The following MARCHF1 variants were observed in gnomAD, a reference collection of about 807,000 sequenced individuals.
The protein encoded by MARCHF1 is membrane associated ring-CH-type finger 1, also known as E3 ubiquitin-protein ligase MARCHF1.
Under a neutral mutation model 54.2 loss-of-function variants are expected in MARCHF1, and 40 were observed. That is an observed-to-expected ratio of 0.74 (90% CI 0.57 to 0.96). The LOEUF is 0.96. Among genes scored for constraint, MARCHF1 ranks in the 40% least tolerant of loss-of-function variants. The probability of loss-of-function intolerance (pLI) is 0.00; values close to 1 mark genes in which losing one functional copy is unlikely to be tolerated. For missense variants in MARCHF1, 586 were observed against 656.5 expected (o/e 0.89, Z 1.17); for synonymous variants, 236 against 236.3 (o/e 1.00, Z 0.01).
At chr4:163,665,584 C>T (rs933063144) in intron 5 of MARCHF1, among the ~76,000 whole-genome samples, 1 of 152,162 alleles carries the variant, frequency 6.6e-6, no homozygotes, top group Non-Finnish European at 1.5e-5. Flanking sequence ...ATTGATGGAG[C>T]GTGTATAGCA....
chr4:164,232,323 C>T (rs772563419), intron 1 of MARCHF1, among the ~76,000 whole-genome samples: 3 of 152,030 alleles, frequency 2.0e-5, no homozygotes, highest in Non-Finnish European at 4.4e-5. Context: ...AATATTATTC[C>T]TGCGACTGTA....
intron 1 of MARCHF1, among the ~76,000 whole-genome samples, chr4:164,293,029 G>A (rs1455683341): frequency 1.3e-5 from 2 of 152,082 alleles, no homozygotes; most frequent in African/African-American, 4.8e-5. Flanking sequence ...GTTGGTTCAT[G>A]AAGTGTCTTC....
chr4:163,892,082 A>G lies in MARCHF1; in HGVS notation c.-38-37913T>C, dbSNP rs535555968. ...TGTAACAATTTAATTTTAAATATGT[A>G]GAAAATAAACCATAATTATGTCCAA... On this transcript the variant is annotated intron_variant, in intron 3 of 9. Coordinates refer to ENST00000514618, the MANE Select transcript of MARCHF1 (RefSeq NM_001394959.1). Among the ~76,000 whole-genome samples the G allele has an allele frequency of 3.9e-5, 6 of 152,312 alleles. No individual in the cohort carries two copies. The South Asian group carries it at 1.2e-3, about 32-fold the overall frequency.
intron 2 of MARCHF1, among the ~76,000 whole-genome samples, chr4:164,016,353 G>A (rs902488701): frequency 6.6e-6 from 1 of 152,044 alleles, no homozygotes; most frequent in Non-Finnish European, 1.5e-5. Context: ...AAGAGCATGG[G>A]GGAAACTGCC....
In MARCHF1 at chr4:164,188,674, C is replaced by T. The variant is rs1487187915; in HGVS notation, c.-322-77012G>A. 2.2e-5 allele frequency: 25 copies of T among 1,120,634 alleles called. No individual in the cohort carries two copies. The Admixed American group carries it at 2.7e-4, about 12-fold the overall frequency. 69.4% of individuals were successfully genotyped at this position (1,120,634 alleles called of 1,614,324 possible). A position where few individuals can be genotyped will look rare whatever the true frequency, so the allele number is the denominator to read the frequency against. ...CGGTCTTTGACGCCAAGTGGCTCAT[C>T]GGCCGCACGTGGAACGACCTGTCTA... is the stretch of plus-strand genomic sequence containing the variant. On this transcript the variant is annotated intron_variant, in intron 1 of 9. Transcript: ENST00000514618.
chr4:164,101,487 C>T (rs959803734), intron 2 of MARCHF1, among the ~76,000 whole-genome samples: 8 of 125,652 alleles, frequency 6.4e-5, no homozygotes, highest in African/African-American at 1.7e-4. Flanking sequence ...TGGGAGGCAC[C>T]CCCCAGCAGG....
intron 2 of MARCHF1, among the ~76,000 whole-genome samples, chr4:164,038,279 G>T (rs1754051712): frequency 6.6e-6 from 1 of 152,132 alleles, no homozygotes; most frequent in Non-Finnish European, 1.5e-5. Flanking sequence ...GGATCACAAG[G>T]TCAGGAGATC....
intron 1 of MARCHF1, among the ~76,000 whole-genome samples, chr4:164,220,946 T>G (rs1038226097): frequency 2.6e-5 from 4 of 151,748 alleles, no homozygotes; most frequent in African/African-American, 9.7e-5. Flanking sequence ...TAAGCAAAAA[T>G]GCCTCAAATC....
chr4:164,265,675 T>G (rs1335411207), intron 1 of MARCHF1, among the ~76,000 whole-genome samples: 1 of 152,102 alleles, frequency 6.6e-6, no homozygotes, highest in Non-Finnish European at 1.5e-5. Context: ...TGAAGCCTGC[T>G]GCCTCATTTA....
At chr4:164,256,583 A>T (rs1404777419) in intron 1 of MARCHF1, among the ~76,000 whole-genome samples, 1 of 152,144 alleles carries the variant, frequency 6.6e-6, no homozygotes, top group African/African-American at 2.4e-5. Flanking sequence ...AAAAATAAGC[A>T]AAGTATTATC....
At chr4:163,754,782 G>C (rs1746618932) in intron 4 of MARCHF1, among the ~76,000 whole-genome samples, 1 of 151,932 alleles carries the variant, frequency 6.6e-6, no homozygotes. Flanking sequence ...ACAGGAAAAA[G>C]AGTTCAAAAG....
intron 3 of MARCHF1, among the ~76,000 whole-genome samples, chr4:163,975,669 T>C (rs981001269): frequency 2.6e-5 from 4 of 152,176 alleles, no homozygotes; most frequent in Non-Finnish European, 4.4e-5. Flanking sequence ...AGTGATGCCT[T>C]ATAAACCCTT....
intron 2 of MARCHF1, among the ~76,000 whole-genome samples, chr4:164,047,094 A>G (rs982615018): frequency 6.6e-6 from 1 of 152,214 alleles, no homozygotes; most frequent in African/African-American, 2.4e-5. Context: ...AAAATTTGCT[A>G]AGGATATATC....
chr4:164,101,431 GCCT>G (rs1755556565), intron 2 of MARCHF1, among the ~76,000 whole-genome samples: 1 of 119,974 alleles, frequency 8.3e-6, no homozygotes, highest in Non-Finnish European at 1.9e-5. Context: ...CGGGCAGACT[GCCT>G]CCTCAAGTGG....
intron 7 of MARCHF1, among the ~76,000 whole-genome samples, chr4:163,590,057 G>GGTGTGTGTGTATGTGTGTGT (rs1740536562): frequency 1.4e-5 from 2 of 146,168 alleles, no homozygotes; most frequent in Admixed American, 1.4e-4. Context: ...TTTAGATTTT[G>GGTGTGTGTGTATGTGTGTGT]GTGTGTGTGT....
chr4:164,155,969 A>T (rs899269546), intron 1 of MARCHF1, among the ~76,000 whole-genome samples: 4 of 152,206 alleles, frequency 2.6e-5, no homozygotes, highest in African/African-American at 9.6e-5. Flanking sequence ...GTAATAAATC[A>T]TAATTTTCGG....
intron 2 of MARCHF1, among the ~76,000 whole-genome samples, chr4:164,064,771 G>T (rs1384091346): frequency 6.6e-6 from 1 of 152,102 alleles, no homozygotes; most frequent in Admixed American, 6.5e-5. Flanking sequence ...TCAGTATGAT[G>T]TTGACTGTGA....
chr4:164,378,222 G>A (rs1325600661), intron 1 of MARCHF1, among the ~76,000 whole-genome samples: 1 of 152,180 alleles, frequency 6.6e-6, no homozygotes, highest in Non-Finnish European at 1.5e-5. Context: ...CTAAGAATAC[G>A]GGCTTTGCCT....
At chr4:163,924,548 C>T (rs1463384119) in intron 3 of MARCHF1, among the ~76,000 whole-genome samples, 1 of 151,870 alleles carries the variant, frequency 6.6e-6, no homozygotes, top group Non-Finnish European at 1.5e-5. Context: ...TACTTTCTTT[C>T]CAAATTTGCG....
Sources: allele counts gnomAD v4.1 joint callset (sites outside exome capture counted in the v4.1 genomes callset), GRCh38; gene constraint gnomAD v4.1.1; transcripts MANE v1.5; gene names NCBI Gene and HGNC (gene_info 2026-07-23, HGNC 2026-07-21).